Variants in PTGIS observed in about 807,000 individuals in gnomAD.
PTGIS encodes prostaglandin I2 synthase.
A neutral mutation model predicts 50.3 loss-of-function variants in PTGIS; 45 were observed. The observed-to-expected ratio is 0.90, with a 90% confidence interval of 0.70 to 1.15. The LOEUF is 1.15. Ranked by LOEUF, PTGIS falls within the 50% of genes most tolerant of loss-of-function variation. The pLI, the probability that PTGIS is intolerant of heterozygous loss-of-function variation, is 0.00. For missense variants in PTGIS, 668 were observed against 661.3 expected (o/e 1.01, Z -0.11); for synonymous variants, 260 against 267.7 (o/e 0.97, Z 0.28).
At chr20:49,533,934 C>T (rs933507002) in intron 5 of PTGIS, among the ~76,000 whole-genome samples, 19 of 152,018 alleles carry the variant, frequency 1.2e-4, no homozygotes, top group African/African-American at 3.9e-4. Flanking sequence ...GCACTCCAAC[C>T]TGGGCAACAG....
chr20:49,551,773 C>T (rs924313985), intron 1 of PTGIS, among the ~76,000 whole-genome samples: 10 of 124,326 alleles, frequency 8.0e-5, no homozygotes, highest in East Asian at 7.1e-4. Flanking sequence ...TGTGTGTATG[C>T]GTGTGTATGT....
chr20:49,528,906 C>G (rs908472504), intron 5 of PTGIS, among the ~76,000 whole-genome samples: 1 of 152,138 alleles, frequency 6.6e-6, no homozygotes, highest in African/African-American at 2.4e-5. Context: ...CAATTATGAG[C>G]AGTGGGAATT....
rs1479801033 is a variant in PTGIS, at chr20:49,504,203, G to A, written c.*3717C>T. The A allele has an allele frequency of 2.0e-5, 3 of 152,270 alleles. No individual in the cohort carries two copies. Among genetic ancestry groups the A allele is most frequent in the Admixed American group, 6.5e-5 (1 of 15,284 alleles). The allele number at this position is 152,270 out of a possible 1,614,324, so 9.4% of individuals were successfully genotyped here. ...CCTGGAGAAGGTCAGGGAGATGCCA[G>A]TGTGGCCTTAAGGCAATTCTAACAC... On this transcript the variant is annotated 3_prime_UTR_variant, in exon 10 of 10. Coordinates refer to ENST00000244043, the MANE Select transcript of PTGIS (RefSeq NM_000961.4).
chr20:49,514,446 G>T, intron 6 of PTGIS, 51 bp from the exon 7 acceptor site: 1 of 1,590,230 alleles, frequency 6.3e-7, no homozygotes, highest in Non-Finnish European at 8.6e-7. Context: ...GAGCTGACTC[G>T]TCTCTGCCAG....
At chr20:49,562,773 C>T (rs576334885) in intron 1 of PTGIS, among the ~76,000 whole-genome samples, 2 of 152,212 alleles carry the variant, frequency 1.3e-5, no homozygotes, top group South Asian at 4.1e-4. Flanking sequence ...TGACCCCTGT[C>T]GCCTGCCCTG....
At chr20:49,523,923 A>G in intron 6 of PTGIS, 135 bp downstream of exon 6, 5 of 1,121,652 alleles carry the variant, frequency 4.5e-6, no homozygotes, top group Non-Finnish European at 6.5e-6. Flanking sequence ...ACAAATGCAC[A>G]CCTACATACA....
chr20:49,566,913 T>C (rs575469889), intron 1 of PTGIS, among the ~76,000 whole-genome samples: 3 of 152,314 alleles, frequency 2.0e-5, no homozygotes, highest in South Asian at 2.1e-4. Flanking sequence ...TGGCGACAAA[T>C]GTCCCATAAC....
intron 6 of PTGIS, 31 bp downstream of exon 6, chr20:49,524,027 T>A: frequency 6.2e-7 from 1 of 1,613,586 alleles, no homozygotes; most frequent in Non-Finnish European, 8.5e-7. Context: ...CATGCACACC[T>A]GCACACACCC....
chr20:49,532,947 G>A (rs190303928), intron 5 of PTGIS, among the ~76,000 whole-genome samples: 161 of 152,304 alleles, frequency 1.1e-3, no homozygotes, highest in Non-Finnish European at 1.9e-3. Flanking sequence ...ATTATTACGA[G>A]GTATTTCTTA....
intron 5 of PTGIS, among the ~76,000 whole-genome samples, chr20:49,529,767 A>C (rs1194907047): frequency 6.6e-6 from 1 of 152,192 alleles, no homozygotes; most frequent in African/African-American, 2.4e-5. Flanking sequence ...ACTTGTGTTC[A>C]GGTAACCCTT....
chr20:49,507,910 G>T lies in PTGIS; in HGVS notation c.*10C>A, dbSNP rs1981196275. 5 of 1,610,588 alleles carry T rather than the reference G, an allele frequency of 3.1e-6. No homozygotes were observed. The African/African-American group carries it at 4.0e-5, about 13-fold the overall frequency. ...CAGAGGCGAGCACGTGGATCCATCT[G>T]CTCCCTGTGTCATGGGCGGATGCGG... On this transcript the variant is annotated 3_prime_UTR_variant, in exon 10 of 10. Coordinates refer to ENST00000244043, the MANE Select transcript of PTGIS (RefSeq NM_000961.4).
intron 6 of PTGIS, among the ~76,000 whole-genome samples, chr20:49,520,228 C>T (rs1981613067): frequency 6.6e-6 from 1 of 152,214 alleles, no homozygotes; most frequent in African/African-American, 2.4e-5. Context: ...TTACATGGTT[C>T]ACCCCTCACT....
chr20:49,566,363 A>C (rs1982900156), intron 1 of PTGIS, among the ~76,000 whole-genome samples: 1 of 152,278 alleles, frequency 6.6e-6, no homozygotes, highest in Admixed American at 6.5e-5. Flanking sequence ...CAGATGTCAA[A>C]ACTAAAATCT....
chr20:49,551,930 T>C (rs1212986735), intron 1 of PTGIS, among the ~76,000 whole-genome samples: 3 of 152,016 alleles, frequency 2.0e-5, no homozygotes, highest in Admixed American at 6.6e-5. Flanking sequence ...GAATTCTGTT[T>C]TCTCCATTTA....
At chr20:49,533,822 G>C (rs1181885441) in intron 5 of PTGIS, among the ~76,000 whole-genome samples, 1 of 152,132 alleles carries the variant, frequency 6.6e-6, no homozygotes, top group African/African-American at 2.4e-5. Flanking sequence ...TTATCCGGGG[G>C]TGGTGGTACG....
At chr20:49,521,951 C>T (rs1438400740) in intron 6 of PTGIS, among the ~76,000 whole-genome samples, 1 of 152,118 alleles carries the variant, frequency 6.6e-6, no homozygotes, top group Admixed American at 6.6e-5. Flanking sequence ...CCTCCATGGC[C>T]ACCACCTGAC....
intron 1 of PTGIS, among the ~76,000 whole-genome samples, chr20:49,559,575 A>G (rs995435871): frequency 1.3e-5 from 2 of 152,212 alleles, no homozygotes; most frequent in African/African-American, 2.4e-5. Context: ...GAACGGATAA[A>G]CAGAATGTGG....
rs73263236 is a variant in PTGIS, at chr20:49,549,026, G to T, written c.199-1007C>A. Among the ~76,000 whole-genome samples the T allele has an allele frequency of 9.1e-3, 1,381 of 152,270 alleles. 28 individuals are homozygous for T. The highest frequency in any genetic ancestry group is 0.031 in the African/African-American group (1,272 of 41,542). On this transcript the variant is annotated intron_variant, in intron 2 of 9. Coordinates refer to ENST00000244043, the MANE Select transcript of PTGIS (RefSeq NM_000961.4). ...GTGGTCGTTTGAATAGATGTTGTAA[G>T]GATGGATGGATGAGATATAAATAGA...
chr20:49,508,138 C>A, intron 9 of PTGIS, 74 bp from the exon 10 acceptor site: 1 of 1,540,440 alleles, frequency 6.5e-7, no homozygotes, highest in East Asian at 2.2e-5. Context: ...GGCAGGGGAG[C>A]CATGGCTGCC....
Sources: gnomAD v4.1 joint callset for allele counts (sites outside exome capture counted in the v4.1 genomes callset) on GRCh38, gnomAD v4.1.1 for gene constraint, MANE v1.5 for transcripts, NCBI Gene and HGNC (gene_info 2026-07-23, HGNC 2026-07-21) for gene names.